RAB7A: variants seen among roughly 807,000 people sequenced by gnomAD.
RAB7A encodes the protein ras-related protein Rab-7a.
A neutral mutation model predicts 24.5 loss-of-function variants in RAB7A; 2 were observed. That is an observed-to-expected ratio of 0.08 (90% CI 0.03 to 0.26). The LOEUF (loss-of-function observed/expected upper bound fraction) is 0.26. Among genes scored for constraint, RAB7A ranks in the 10% least tolerant of loss-of-function variants. The pLI, the probability that RAB7A is intolerant of heterozygous loss-of-function variation, is 1.00. For synonymous variants in RAB7A, 100 were observed against 95.9 expected (o/e 1.04, Z -0.25); for missense variants, 118 against 255.7 (o/e 0.46, Z 3.67).
intron 1 of RAB7A, among the ~76,000 whole-genome samples, chr3:128,760,084 G>T (rs1302300674): frequency 1.3e-5 from 2 of 152,172 alleles, no homozygotes; most frequent in African/African-American, 4.8e-5. Context: ...TTCTGGGTGT[G>T]CCTGTGAGGG....
chr3:128,732,152 G>T (rs1292617275), intron 1 of RAB7A, among the ~76,000 whole-genome samples: 1 of 149,998 alleles, frequency 6.7e-6, no homozygotes, highest in Admixed American at 6.6e-5. Flanking sequence ...CAATTCTCCT[G>T]CCTCAGCCTC....
rs879215208 is a variant in RAB7A at position 128,813,939 on chromosome 3, C to T, written c.*517C>T. ...ATTACAGGCTCACACCCAGTCTGAT[C>T]AGGCTGAGTTTTGTATGTATCTATC... On this transcript the variant is annotated 3_prime_UTR_variant, in exon 6 of 6. Transcript: ENST00000265062. 3.7e-5 allele frequency: 7 copies of T among 190,520 alleles called. No individual in the cohort carries two copies. In the South Asian group the frequency reaches 4.0e-4, roughly 11 times the overall value. 11.8% of individuals were successfully genotyped at this position (190,520 alleles called of 1,614,324 possible).
intron 5 of RAB7A, among the ~76,000 whole-genome samples, chr3:128,809,805 C>T (rs1218499250): frequency 1.3e-5 from 2 of 151,226 alleles, no homozygotes; most frequent in Non-Finnish European, 3.0e-5. Flanking sequence ...GTGGCCTGTG[C>T]TAAATGCTCG....
intron 1 of RAB7A, among the ~76,000 whole-genome samples, chr3:128,784,241 G>A (rs1203292660): frequency 6.6e-6 from 1 of 152,038 alleles, no homozygotes; most frequent in East Asian, 1.9e-4. Context: ...CAAGAAACAC[G>A]TTACTGTTTT....
intron 5 of RAB7A, among the ~76,000 whole-genome samples, chr3:128,811,133 T>A (rs2107617572): frequency 7.2e-6 from 1 of 139,496 alleles, no homozygotes. Flanking sequence ...TGATTGATTC[T>A]TTTTTTTTTT....
chr3:128,798,699 C>T (rs1358449267), intron 3 of RAB7A: 1 of 166,454 alleles, frequency 6.0e-6, no homozygotes, highest in African/African-American at 2.4e-5. Flanking sequence ...GTATTAACAT[C>T]CCTAGAAAAG....
At chr3:128,784,517 A>C (rs1226275129) in intron 1 of RAB7A, among the ~76,000 whole-genome samples, 1 of 152,194 alleles carries the variant, frequency 6.6e-6, no homozygotes, top group Non-Finnish European at 1.5e-5. Context: ...CTGGCTCTGC[A>C]GGATGAACAC....
chr3:128,752,879 C>T (rs2070699850), intron 1 of RAB7A, among the ~76,000 whole-genome samples: 1 of 151,726 alleles, frequency 6.6e-6, no homozygotes, highest in African/African-American at 2.4e-5. Flanking sequence ...GGCTTTTAAA[C>T]ATGTCATAAT....
At chr3:128,770,588 A>G (rs997033305) in intron 1 of RAB7A, among the ~76,000 whole-genome samples, 3 of 152,188 alleles carry the variant, frequency 2.0e-5, no homozygotes, top group African/African-American at 7.2e-5. Flanking sequence ...GAGGAGAAGA[A>G]AGCCAGTTAC....
intron 1 of RAB7A, chr3:128,749,273 T>G (rs2070651934): frequency 1.3e-5 from 2 of 152,308 alleles, no homozygotes; most frequent in Non-Finnish European, 2.9e-5. Context: ...TTCTGTTGTC[T>G]TGGTTGCTTG....
In RAB7A at chr3:128,750,618, A is replaced by G. The variant is rs562063454; in HGVS notation, c.-9+24259A>G. 3.3e-5 allele frequency among the ~76,000 whole-genome samples: 5 copies of G among 152,370 alleles called. No individual in the cohort carries two copies. The East Asian group carries it at 9.6e-4, about 29-fold the overall frequency. On this transcript the variant is annotated intron_variant, in intron 1 of 5. Coordinates refer to ENST00000265062, the MANE Select transcript of RAB7A (RefSeq NM_004637.6). Reference sequence around the variant, plus strand: ...CAAGAGGTGATTTGGGTACTATTAAAGGCATTCAGTTTTATAAGGGAAGCA... The same window carrying G: ...CAAGAGGTGATTTGGGTACTATTAAGGGCATTCAGTTTTATAAGGGAAGCA...
In RAB7A at chr3:128,814,794, A is replaced by G. The variant is rs1001564215; in HGVS notation, c.*1372A>G. The G allele has an allele frequency of 6.6e-6, 1 of 152,668 alleles. No individual in the cohort carries two copies. Among genetic ancestry groups the G allele is most frequent in the Non-Finnish European group, 1.5e-5 (1 of 68,056 alleles). 9.5% of individuals were successfully genotyped at this position (152,668 alleles called of 1,614,324 possible). A position where few individuals can be genotyped will look rare whatever the true frequency, so the allele number is the denominator to read the frequency against. On this transcript the variant is annotated 3_prime_UTR_variant, in exon 6 of 6. Transcript: ENST00000265062. ...ATGCCAATAAAATTGAACAAGAACA[A>G]TGATCATCTGCCTTTGCCAGAGTCT...
intron 3 of RAB7A, among the ~76,000 whole-genome samples, chr3:128,805,863 G>C (rs1429517376): frequency 2.0e-5 from 3 of 152,114 alleles, no homozygotes; most frequent in Non-Finnish European, 2.9e-5. Context: ...TGTTGGTCAG[G>C]CTGGTCTCAA....
rs1933983896 is a variant in RAB7A, at chr3:128,813,916, T to TC, written c.*494_*495insC. The TC allele has an allele frequency of 4.3e-6, 1 of 231,606 alleles. No homozygotes were observed. The highest frequency in any genetic ancestry group is 8.8e-6 in the Non-Finnish European group (1 of 113,908). 14.3% of individuals were successfully genotyped at this position (231,606 alleles called of 1,614,324 possible). Reference sequence around the variant, plus strand: ...GGAAGGCTGGTGCCCCATGCCCCATTACAGGCTCACACCCAGTCTGATCAG... The same window carrying TC: ...GGAAGGCTGGTGCCCCATGCCCCATTCACAGGCTCACACCCAGTCTGATCAG... On this transcript the variant is annotated 3_prime_UTR_variant, in exon 6 of 6. Transcript: ENST00000265062.
intron 1 of RAB7A, among the ~76,000 whole-genome samples, chr3:128,784,496 C>G (rs1576293830): frequency 6.6e-6 from 1 of 152,200 alleles, no homozygotes; most frequent in East Asian, 1.9e-4. Context: ...CCACTGCAGG[C>G]AGGCAGGGCG....
At position 128,744,942 on chromosome 3, in the gene RAB7A, C is replaced by T. The variant is rs149616229; in HGVS notation, c.-9+18583C>T. On this transcript the variant is annotated intron_variant, in intron 1 of 5. Transcript: ENST00000265062. ...AGGCTGGAGTTTAGTGGTGCGATCT[C>T]GGCTCACTGCAAGCTCTGCCTCCTG... Among the ~76,000 whole-genome samples the T allele has an allele frequency of 7.6e-3, 1,136 of 148,766 alleles. 16 individuals carry two copies. Among genetic ancestry groups the T allele is most frequent in the African/African-American group, 0.024 (970 of 39,934 alleles).
intron 1 of RAB7A, among the ~76,000 whole-genome samples, chr3:128,793,212 G>A (rs1474237593): frequency 6.6e-6 from 1 of 152,030 alleles, no homozygotes. Flanking sequence ...TAGTAGAGAC[G>A]GGGTTTCACC....
chr3:128,772,123 A>G (rs925408548), intron 1 of RAB7A, among the ~76,000 whole-genome samples: 4 of 152,364 alleles, frequency 2.6e-5, no homozygotes, highest in African/African-American at 9.6e-5. Context: ...GCAGACATAC[A>G]TGTAGTAATG....
intron 1 of RAB7A, among the ~76,000 whole-genome samples, chr3:128,728,298 T>G (rs1157288552): frequency 6.6e-6 from 1 of 152,338 alleles, no homozygotes; most frequent in East Asian, 1.9e-4. Flanking sequence ...GATGGTGTTC[T>G]TCTGGCTAAC....
Sources: allele counts gnomAD v4.1 joint callset (sites outside exome capture counted in the v4.1 genomes callset), GRCh38; gene constraint gnomAD v4.1.1; transcripts MANE v1.5; gene names NCBI Gene and HGNC (gene_info 2026-07-23, HGNC 2026-07-21).